Variants in CPM observed in about 807,000 individuals in gnomAD.
The protein encoded by CPM is carboxypeptidase M, also known as renal carboxypeptidase.
In CPM, 35 loss-of-function variants were observed where a neutral mutation model predicts 46.4. That is an observed-to-expected ratio of 0.75 (90% CI 0.58 to 1.00). CPM has a LOEUF of 1.00. CPM is among the 50% of genes least tolerant of loss of function. The pLI is 0.00. For missense variants in CPM, 422 were observed against 530.4 expected (o/e 0.80, Z 2.01); for synonymous variants, 195 against 195.3 (o/e 1.00, Z 0.01).
At chr12:68,859,873 C>T (rs78529502) in intron 7 of CPM, among the ~76,000 whole-genome samples, 1,643 of 152,250 alleles carry the variant, frequency 0.011, 34 homozygotes, top group African/African-American at 0.037. Flanking sequence ...TTAGATCCTA[C>T]GTGTCACATC....
At chr12:68,886,429 G>A (rs1448345109) in intron 2 of CPM, among the ~76,000 whole-genome samples, 1 of 151,986 alleles carries the variant, frequency 6.6e-6, no homozygotes, top group Admixed American at 6.6e-5. Context: ...TCAGGAGATC[G>A]AGACCATCCT....
intron 5 of CPM, chr12:68,845,508 T>TA (rs1464208057): frequency 5.1e-6 from 1 of 197,436 alleles, no homozygotes; most frequent in Non-Finnish European, 1.0e-5. Context: ...AACGTTAGAG[T>TA]AATAGTATTT....
At chr12:68,936,572 C>T (rs975735220), upstream of CPM, among the ~76,000 whole-genome samples, 1 of 151,954 alleles carries the variant, frequency 6.6e-6, no homozygotes, top group Non-Finnish European at 1.5e-5. Flanking sequence ...TTAGTAGAGA[C>T]GGGGTTTCAC....
chr12:68,844,067 A>AT (rs758204305), intron 5 of CPM: 1 of 205,834 alleles, frequency 4.9e-6, no homozygotes, highest in South Asian at 1.9e-4. Flanking sequence ...AGTGACAGCT[A>AT]TTTTTACAAA....
At chr12:68,945,188 C>G (rs189410367) in intron 1 of CPM, among the ~76,000 whole-genome samples, 2 of 152,044 alleles carry the variant, frequency 1.3e-5, no homozygotes, top group Non-Finnish European at 2.9e-5. Flanking sequence ...AATCTTGTGG[C>G]CTTTCATTAG....
chr12:68,945,256 G>C (rs1888827733), intron 1 of CPM, among the ~76,000 whole-genome samples: 2 of 152,152 alleles, frequency 1.3e-5, no homozygotes, highest in African/African-American at 4.8e-5. Context: ...TATCATCCTT[G>C]CTTCCAAGTG....
At chr12:68,932,913 G>A in intron 1 of CPM, 73 bp from the exon 2 acceptor site, 5 of 1,407,864 alleles carry the variant, frequency 3.6e-6, no homozygotes. Flanking sequence ...GCTACGTCTC[G>A]GTACTCCGGT....
intron 2 of CPM, among the ~76,000 whole-genome samples, chr12:68,897,765 A>G (rs1335116343): frequency 1.3e-5 from 2 of 149,318 alleles, no homozygotes; most frequent in African/African-American, 4.9e-5. Context: ...AGGCACAATC[A>G]TTACAACTAG....
chr12:68,851,052 T>C (rs1450910787), downstream of CPM: 1 of 152,516 alleles, frequency 6.6e-6, no homozygotes. Context: ...TATTGCCTCA[T>C]AAAAGGTCAT....
At chr12:68,945,938 G>A (rs1306746937) in intron 1 of CPM, among the ~76,000 whole-genome samples, 1 of 134,894 alleles carries the variant, frequency 7.4e-6, no homozygotes, top group Non-Finnish European at 1.5e-5. Context: ...CTGAAGCCTC[G>A]ACCTCTAGGG....
rs116289664 is a variant in CPM at position 68,948,687 on chromosome 12, A to G, written c.-4+14482T>C. Among the ~76,000 whole-genome samples, 649 of 152,226 alleles carry G rather than the reference A, an allele frequency of 4.3e-3. 4 individuals carry two copies. Among genetic ancestry groups the G allele is most frequent in the African/African-American group, 0.015 (624 of 41,538 alleles). On this transcript the variant is annotated intron_variant, in intron 1 of 8. Coordinates refer to the CPM transcript ENST00000546373. ...AGGAGGAAATAGTCTCAATGATTAGACTCTCATCATCTCAGTAATACGAGA... is the reference window on the plus strand; with the variant it reads ...AGGAGGAAATAGTCTCAATGATTAGGCTCTCATCATCTCAGTAATACGAGA...
chr12:68,872,625 G>A (rs968783280), intron 3 of CPM, among the ~76,000 whole-genome samples: 1 of 152,114 alleles, frequency 6.6e-6, no homozygotes, highest in African/African-American at 2.4e-5. Flanking sequence ...AGAGCAAGAG[G>A]TTGAGTTACA....
intron 2 of CPM, among the ~76,000 whole-genome samples, chr12:68,890,206 C>T (rs2136260244): frequency 6.6e-6 from 1 of 152,222 alleles, no homozygotes. Context: ...CACTGCACTC[C>T]AGCCTGGGAC....
chr12:68,844,248 C>A (rs183015384), intron 5 of CPM: 1 of 213,876 alleles, frequency 4.7e-6, no homozygotes, highest in Non-Finnish European at 9.4e-6. Context: ...ATTTGAATAT[C>A]ATATATTTGG....
At chr12:68,846,709 CTA>C (rs1018277205), downstream of CPM, 69 of 152,256 alleles carry the variant, frequency 4.5e-4, no homozygotes, top group African/African-American at 1.7e-3. Context: ...TTTTAGAACA[CTA>C]TGAAATGGGT....
chr12:68,932,880 G>A (rs1466776635), intron 1 of CPM, 40 bp from the exon 2 acceptor site: 1 of 1,591,348 alleles, frequency 6.3e-7, no homozygotes, highest in Non-Finnish European at 8.6e-7. Flanking sequence ...GAGAACACAT[G>A]AGGGCAGGCG....
At chr12:68,924,418 C>T (rs116098111) in intron 2 of CPM, among the ~76,000 whole-genome samples, 6 of 149,072 alleles carry the variant, frequency 4.0e-5, no homozygotes, top group South Asian at 2.1e-4. Flanking sequence ...ACCCAGGAGG[C>T]GGAGTGAGCC....
At chr12:68,885,412 G>A (rs1184061325) in intron 3 of CPM, among the ~76,000 whole-genome samples, 4 of 152,298 alleles carry the variant, frequency 2.6e-5, no homozygotes, top group African/African-American at 7.2e-5. Flanking sequence ...TTGTGGGTTC[G>A]GATACAATAC....
chr12:68,950,251 T>C (rs2136334859), intron 1 of CPM, among the ~76,000 whole-genome samples: 1 of 152,280 alleles, frequency 6.6e-6, no homozygotes, highest in East Asian at 1.9e-4. Context: ...CAAGAAGATA[T>C]ACCACTAAGG....
Sources: gnomAD v4.1 joint callset for allele counts (sites outside exome capture counted in the v4.1 genomes callset) on GRCh38, gnomAD v4.1.1 for gene constraint, MANE v1.5 for transcripts, NCBI Gene and HGNC (gene_info 2026-07-23, HGNC 2026-07-21) for gene names.